Variants in DPF3 observed in about 807,000 individuals in gnomAD.
DPF3 encodes zinc finger protein DPF3.
Under a neutral mutation model 56.8 loss-of-function variants are expected in DPF3, and 18 were observed. The observed-to-expected ratio is 0.32, with a 90% CI of 0.22 to 0.47. The LOEUF is 0.47. Among genes scored for constraint, DPF3 ranks in the 20% least tolerant of loss-of-function variants. DPF3 has a pLI of 1.00. For missense variants in DPF3, 403 were observed against 488.8 expected, an observed-to-expected ratio of 0.82 and a Z score of 1.65; for synonymous variants, 188 against 180.2, an observed-to-expected ratio of 1.04 and a Z score of -0.35.
intron 8 of DPF3, among the ~76,000 whole-genome samples, chr14:72,672,048 CACACACACACAG>C (rs1159046490): frequency 7.4e-5 from 9 of 121,558 alleles, no homozygotes; most frequent in African/African-American, 2.4e-4. Flanking sequence ...CACACACACA[CACACACACACAG>C]ACACACACAC....
At chr14:72,721,622 C>T (rs1184504678) in intron 5 of DPF3, among the ~76,000 whole-genome samples, 1 of 152,108 alleles carries the variant, frequency 6.6e-6, no homozygotes, top group Non-Finnish European at 1.5e-5. Context: ...ATCTACTGAT[C>T]AATTAAAACA....
intron 1 of DPF3, among the ~76,000 whole-genome samples, chr14:72,844,645 G>A (rs1303402546): frequency 1.3e-5 from 2 of 152,108 alleles, no homozygotes; most frequent in Non-Finnish European, 2.9e-5. Context: ...CACATACAAA[G>A]TCAAATACAC....
At chr14:72,784,336 T>C (rs1892119661) in intron 1 of DPF3, among the ~76,000 whole-genome samples, 1 of 152,148 alleles carries the variant, frequency 6.6e-6, no homozygotes, top group Admixed American at 6.5e-5. Flanking sequence ...CCAAGATGAC[T>C]GAAACTGAAA....
intron 8 of DPF3, among the ~76,000 whole-genome samples, chr14:72,655,215 A>G (rs1026729778): frequency 1.3e-5 from 2 of 152,212 alleles, no homozygotes; most frequent in Non-Finnish European, 2.9e-5. Flanking sequence ...GTTCTTTTTA[A>G]AATTATTTAG....
intron 7 of DPF3, among the ~76,000 whole-genome samples, chr14:72,675,180 G>A (rs1567196960): frequency 6.6e-6 from 1 of 152,166 alleles, no homozygotes; most frequent in Non-Finnish European, 1.5e-5. Flanking sequence ...CAAAAGCAAA[G>A]AAAAATCTTA....
chr14:72,738,178 T>C (rs1785988316), intron 3 of DPF3, among the ~76,000 whole-genome samples: 1 of 152,022 alleles, frequency 6.6e-6, no homozygotes, highest in African/African-American at 2.4e-5. Flanking sequence ...TTTCCTAAGA[T>C]GGTGGCAGGC....
At chr14:72,796,693 T>C (rs1892660564) in intron 1 of DPF3, among the ~76,000 whole-genome samples, 1 of 152,164 alleles carries the variant, frequency 6.6e-6, no homozygotes, top group Non-Finnish European at 1.5e-5. Context: ...AGGTGCTGTT[T>C]ATTATTCCTA....
chr14:72,655,082 T>C (rs1002818463), intron 8 of DPF3, among the ~76,000 whole-genome samples: 1 of 152,164 alleles, frequency 6.6e-6, no homozygotes, highest in African/African-American at 2.4e-5. Context: ...CTTTCTTACA[T>C]AAGTTGTCTC....
intron 1 of DPF3, among the ~76,000 whole-genome samples, chr14:72,802,719 A>T (rs1009918838): frequency 4.6e-5 from 7 of 152,182 alleles, no homozygotes; most frequent in Non-Finnish European, 7.3e-5. Flanking sequence ...ACATTTGTAT[A>T]TTTTCAGATA....
At chr14:72,633,694 C>T (rs552304080) in intron 8 of DPF3, among the ~76,000 whole-genome samples, 1 of 152,292 alleles carries the variant, frequency 6.6e-6, no homozygotes, top group African/African-American at 2.4e-5. Flanking sequence ...ACGCTTCAGT[C>T]ATGCCATCTT....
At chr14:72,748,612 C>T (rs1055601578) in intron 3 of DPF3, among the ~76,000 whole-genome samples, 2 of 152,206 alleles carry the variant, frequency 1.3e-5, no homozygotes, top group Non-Finnish European at 2.9e-5. Context: ...ACGGCAGCCC[C>T]TCCCATCACA....
At chr14:72,870,657 GAAA>G (rs921790752) in intron 1 of DPF3, among the ~76,000 whole-genome samples, 2 of 152,158 alleles carry the variant, frequency 1.3e-5, no homozygotes, top group African/African-American at 4.8e-5. Flanking sequence ...TTTCTTCTAG[GAAA>G]ACCAGTGCTT....
chr14:72,828,121 G>C (rs1174410049), intron 1 of DPF3, among the ~76,000 whole-genome samples: 1 of 152,144 alleles, frequency 6.6e-6, no homozygotes. Flanking sequence ...ACCTTGGATG[G>C]TAACAAAGGT....
chr14:72,815,399 G>A (rs965124564), intron 1 of DPF3, among the ~76,000 whole-genome samples: 2 of 152,212 alleles, frequency 1.3e-5, no homozygotes, highest in Non-Finnish European at 2.9e-5. Flanking sequence ...ATGCTAACTG[G>A]TACAGCCACT....
chr14:72,623,646 A>G (rs1567179620), intron 9 of DPF3, among the ~76,000 whole-genome samples: 4 of 152,260 alleles, frequency 2.6e-5, no homozygotes, highest in South Asian at 2.1e-4. Context: ...ATGTAGGCCA[A>G]TGAAGTTAAG....
chr14:72,627,714 G>A (rs1450450506), intron 9 of DPF3, among the ~76,000 whole-genome samples: 1 of 152,038 alleles, frequency 6.6e-6, no homozygotes, highest in Non-Finnish European at 1.5e-5. Context: ...TATTGGACCT[G>A]AGATAAATTT....
At chr14:72,661,705 C>G in intron 8 of DPF3, 2 of 985,454 alleles carry the variant, frequency 2.0e-6, no homozygotes, top group Non-Finnish European at 2.4e-6. Context: ...AGGTTCTCAT[C>G]CTTCAGGTCG....
intron 1 of DPF3, among the ~76,000 whole-genome samples, chr14:72,777,022 C>T (rs533948802): frequency 4.6e-5 from 7 of 152,320 alleles, no homozygotes; most frequent in Admixed American, 1.3e-4. Flanking sequence ...CCCAAGTCCC[C>T]TTTGCTGTGT....
chr14:72,681,559 A>T (rs1375980157), intron 7 of DPF3, among the ~76,000 whole-genome samples: 2 of 152,168 alleles, frequency 1.3e-5, no homozygotes, highest in Non-Finnish European at 2.9e-5. Context: ...ATATTTCAAA[A>T]TGTGGCGTCA....
Sources: allele counts gnomAD v4.1 joint callset (sites outside exome capture counted in the v4.1 genomes callset), GRCh38; gene constraint gnomAD v4.1.1; transcripts MANE v1.5; gene names NCBI Gene and HGNC (gene_info 2026-07-23, HGNC 2026-07-21).